The following CNTNAP2 variants were observed in gnomAD, a reference collection of about 807,000 sequenced individuals.
CNTNAP2 encodes contactin associated protein 2.
Under a neutral mutation model 155.2 loss-of-function variants are expected in CNTNAP2, and 98 were observed. The ratio of observed to expected loss-of-function variants is 0.63; its 90% CI spans 0.54 to 0.75. The LOEUF (loss-of-function observed/expected upper bound fraction) is 0.75. Ranked by LOEUF, CNTNAP2 falls within the 30% of genes least tolerant of loss-of-function variation. CNTNAP2 has a pLI of 0.00. For missense variants in CNTNAP2, 1,727 were observed against 1,688.1 expected, an observed-to-expected ratio of 1.02 and a Z score of -0.40; for synonymous variants, 651 against 631.2, an observed-to-expected ratio of 1.03 and a Z score of -0.47.
chr7:146,350,679 T>A (rs374167501), intron 1 of CNTNAP2, among the ~76,000 whole-genome samples: 43 of 152,102 alleles, frequency 2.8e-4, no homozygotes, highest in African/African-American at 9.6e-4. Context: ...CCATTACTGG[T>A]TATATACCCA....
At chr7:146,940,858 GAGAGA>G (rs1020015836) in intron 3 of CNTNAP2, among the ~76,000 whole-genome samples, 3 of 151,934 alleles carry the variant, frequency 2.0e-5, no homozygotes, top group Non-Finnish European at 4.4e-5. Context: ...AAGAGAGAGA[GAGAGA>G]ATTGTTATAT....
At chr7:147,620,613 T>C (rs2116891696) in intron 12 of CNTNAP2, among the ~76,000 whole-genome samples, 1 of 151,840 alleles carries the variant, frequency 6.6e-6, no homozygotes, top group East Asian at 1.9e-4. Flanking sequence ...GAAGAATGCA[T>C]CAGAGTCTTT....
chr7:146,771,631 G>T (rs1290315892), intron 1 of CNTNAP2, among the ~76,000 whole-genome samples: 1 of 152,120 alleles, frequency 6.6e-6, no homozygotes, highest in Admixed American at 6.5e-5. Flanking sequence ...ATATTTCACA[G>T]AGGCACGCAG....
intron 4 of CNTNAP2, among the ~76,000 whole-genome samples, chr7:147,102,918 C>G (rs1800684884): frequency 6.6e-6 from 1 of 152,070 alleles, no homozygotes; most frequent in African/African-American, 2.4e-5. Flanking sequence ...CATTCTTGCC[C>G]ACCACCACAG....
chr7:148,409,366 C>T (rs1202015171), intron 22 of CNTNAP2, 25 bp from the exon 23 acceptor site: 1 of 1,412,902 alleles, frequency 7.1e-7, no homozygotes, highest in Non-Finnish European at 9.8e-7. Context: ...TTGACTCTGA[C>T]ACTTGACTCT....
intron 13 of CNTNAP2, among the ~76,000 whole-genome samples, chr7:147,830,234 C>A (rs1337852074): frequency 6.6e-6 from 1 of 151,172 alleles, no homozygotes; most frequent in African/African-American, 2.4e-5. Context: ...GCTCTGGAGG[C>A]TGGGAAGTCC....
intron 1 of CNTNAP2, among the ~76,000 whole-genome samples, chr7:146,621,771 T>C (rs1004954549): frequency 5.3e-5 from 8 of 152,252 alleles, no homozygotes; most frequent in African/African-American, 1.9e-4. Context: ...TTCCATACTG[T>C]AGTATTGGGA....
chr7:148,253,726 T>G (rs552083329), intron 20 of CNTNAP2, among the ~76,000 whole-genome samples: 43 of 152,298 alleles, frequency 2.8e-4, no homozygotes, highest in Non-Finnish European at 5.9e-4. Context: ...GGGTGGCCCA[T>G]GGGATGAGTG....
intron 17 of CNTNAP2, among the ~76,000 whole-genome samples, chr7:148,170,030 C>T (rs766735472): frequency 5.9e-5 from 9 of 151,932 alleles, no homozygotes; most frequent in Non-Finnish European, 1.0e-4. Context: ...ATTATGATTC[C>T]ATTTCTTCCT....
chr7:147,943,984 A>G lies in CNTNAP2; in HGVS notation c.2256-33878A>G, dbSNP rs76830832. On this transcript the variant is annotated intron_variant, in intron 14 of 23. Transcript: ENST00000361727. ...CATCTCCATCGTTCAACTGTACCCC[A>G]GTATATCAACAAACACATTATGAGT... 9.7e-4 allele frequency among the ~76,000 whole-genome samples: 147 copies of G among 152,250 alleles called. 2 individuals are homozygous for G. The East Asian group carries it at 0.027, about 28-fold the overall frequency.
chr7:146,420,144 A>G (rs1175810214), intron 1 of CNTNAP2, among the ~76,000 whole-genome samples: 1 of 152,112 alleles, frequency 6.6e-6, no homozygotes, highest in Non-Finnish European at 1.5e-5. Flanking sequence ...CATGGAGAAA[A>G]GGAAAATGAA....
intron 1 of CNTNAP2, among the ~76,000 whole-genome samples, chr7:146,431,424 T>C (rs1796171085): frequency 6.6e-6 from 1 of 152,032 alleles, no homozygotes; most frequent in African/African-American, 2.4e-5. Flanking sequence ...ATTTTTGGCT[T>C]GGCCCTTTGG....
chr7:146,276,007 G>A (rs1800157731), intron 1 of CNTNAP2, among the ~76,000 whole-genome samples: 1 of 152,154 alleles, frequency 6.6e-6, no homozygotes, highest in Admixed American at 6.5e-5. Flanking sequence ...GTACAAGACA[G>A]TCACCCACAA....
At chr7:147,567,345 T>A (rs1176446286) in intron 12 of CNTNAP2, among the ~76,000 whole-genome samples, 1 of 152,126 alleles carries the variant, frequency 6.6e-6, no homozygotes, top group Non-Finnish European at 1.5e-5. Context: ...GCAAAGCAGT[T>A]GAAAGTTTGT....
intron 13 of CNTNAP2, among the ~76,000 whole-genome samples, chr7:147,861,588 A>C (rs1013335): frequency 0.6 from 91,483 of 151,972 alleles, 27,860 homozygotes; most frequent in South Asian, 0.74. Context: ...AAGAGAAAAG[A>C]ATTTAAAACA....
intron 13 of CNTNAP2, among the ~76,000 whole-genome samples, chr7:147,719,995 C>T (rs1444471088): frequency 6.6e-6 from 1 of 152,042 alleles, no homozygotes; most frequent in African/African-American, 2.4e-5. Flanking sequence ...TTAATTAAGA[C>T]AGGCACTCCT....
At chr7:146,820,882 C>A (rs1803267394) in intron 2 of CNTNAP2, among the ~76,000 whole-genome samples, 1 of 152,128 alleles carries the variant, frequency 6.6e-6, no homozygotes, top group South Asian at 2.1e-4. Context: ...GAATAGTTAG[C>A]TCTTCTTGTT....
At chr7:147,500,512 G>A (rs1049612455) in intron 11 of CNTNAP2, among the ~76,000 whole-genome samples, 6 of 152,042 alleles carry the variant, frequency 3.9e-5, no homozygotes, top group Non-Finnish European at 8.8e-5. Flanking sequence ...TAATGCCACC[G>A]ACCAGGTGCT....
intron 21 of CNTNAP2, among the ~76,000 whole-genome samples, chr7:148,299,280 A>G (rs1797339687): frequency 6.6e-6 from 1 of 152,148 alleles, no homozygotes; most frequent in African/African-American, 2.4e-5. Context: ...GTGAGCCACC[A>G]CACCCGGCCC....
Sources: gnomAD v4.1 joint callset for allele counts (sites outside exome capture counted in the v4.1 genomes callset) on GRCh38, gnomAD v4.1.1 for gene constraint, MANE v1.5 for transcripts, NCBI Gene and HGNC (gene_info 2026-07-23, HGNC 2026-07-21) for gene names.